Variants in TRPV3 observed in about 807,000 individuals in gnomAD.
TRPV3 encodes transient receptor potential cation channel subfamily V member 3.
Under a neutral mutation model 87.1 loss-of-function variants are expected in TRPV3, and 88 were observed. The observed-to-expected ratio is 1.01, with a 90% CI of 0.85 to 1.21. The LOEUF (loss-of-function observed/expected upper bound fraction) is 1.21. Ranked by LOEUF, TRPV3 falls within the 50% of genes most tolerant of loss-of-function variation. TRPV3 has a pLI of 0.00. For synonymous variants in TRPV3, 438 were observed against 423.3 expected (o/e 1.03, Z -0.43); for missense variants, 1,054 against 1,030.1 (o/e 1.02, Z -0.32).
At chr17:3,546,967 C>CAAAAAAAA (rs59021941) in intron 2 of TRPV3, among the ~76,000 whole-genome samples, 1 of 123,596 alleles carries the variant, frequency 8.1e-6, no homozygotes, top group African/African-American at 3.5e-5. Flanking sequence ...GACTCCTTCT[C>CAAAAAAAA]AAAAAAAAAA....
chr17:3,547,036 A>C (rs923693927), intron 2 of TRPV3, among the ~76,000 whole-genome samples: 15 of 151,444 alleles, frequency 9.9e-5, no homozygotes, highest in Non-Finnish European at 2.1e-4. Flanking sequence ...CCGGGTCTCT[A>C]CTGCGGGTGG....
chr17:3,542,387 C>T (rs2074472016), intron 6 of TRPV3, 135 bp downstream of exon 6: 2 of 991,236 alleles, frequency 2.0e-6, no homozygotes, highest in South Asian at 1.7e-5. Flanking sequence ...TGAAGCATCC[C>T]TGGTACCATG....
At chr17:3,524,169 C>G in intron 13 of TRPV3, 29 bp downstream of exon 13, 25 of 1,607,756 alleles carry the variant, frequency 1.6e-5, no homozygotes, top group Non-Finnish European at 2.0e-5. Flanking sequence ...CCTCCGAGGG[C>G]CCTCCCGCCG....
intron 6 of TRPV3, among the ~76,000 whole-genome samples, chr17:3,541,934 TC>T (rs1427010436): frequency 7.1e-6 from 1 of 141,096 alleles, no homozygotes; most frequent in African/African-American, 2.6e-5. Flanking sequence ...TTCTTTCTTT[TC>T]TTTGTTTCTT....
intron 13 of TRPV3, 73 bp downstream of exon 13, chr17:3,524,125 C>T: frequency 6.4e-7 from 1 of 1,574,288 alleles, no homozygotes; most frequent in Non-Finnish European, 8.7e-7. Flanking sequence ...TCTTCCTCTC[C>T]AGATCTCAGT....
chr17:3,522,419 T>G (rs1428407358), intron 13 of TRPV3, among the ~76,000 whole-genome samples: 1 of 152,194 alleles, frequency 6.6e-6, no homozygotes, highest in Non-Finnish European at 1.5e-5. Flanking sequence ...AGAGACAACA[T>G]TCACATACTT....
chr17:3,544,153 C>T (rs962375242), intron 4 of TRPV3, among the ~76,000 whole-genome samples: 1 of 152,230 alleles, frequency 6.6e-6, no homozygotes, highest in Non-Finnish European at 1.5e-5. Context: ...GGATTACAGG[C>T]ATGCGCCACC....
intron 12 of TRPV3, 113 bp from the exon 13 acceptor site, chr17:3,524,476 G>A: frequency 2.2e-6 from 3 of 1,346,380 alleles, no homozygotes; most frequent in South Asian, 1.4e-5. Context: ...CCCGGTGACG[G>A]ATGCTGAAGA....
chr17:3,513,796 A>G lies in TRPV3; in HGVS notation c.*121T>C, dbSNP rs1180614928. The G allele has an allele frequency of 1.5e-5, 12 of 798,382 alleles. No individual in the cohort carries two copies. The East Asian group carries it at 3.0e-4, about 20-fold the overall frequency. 49.5% of individuals were successfully genotyped at this position (798,382 alleles called of 1,614,324 possible). Reference sequence around the variant, plus strand: ...CACTGAGCACTGAGCACGAGGGTGCACTCTGCTTCTAGGCCAGCAGAGCCG... The same window carrying G: ...CACTGAGCACTGAGCACGAGGGTGCGCTCTGCTTCTAGGCCAGCAGAGCCG... On this transcript the variant is annotated 3_prime_UTR_variant, in exon 18 of 18. Transcript: ENST00000576742.
intron 2 of TRPV3, among the ~76,000 whole-genome samples, chr17:3,549,026 C>T (rs2074549522): frequency 6.6e-6 from 1 of 152,158 alleles, no homozygotes; most frequent in Admixed American, 6.6e-5. Flanking sequence ...AGAACTTTTG[C>T]CCTAAAGTAG....
chr17:3,521,146 T>A, intron 13 of TRPV3, 107 bp from the exon 14 acceptor site: 1 of 462,020 alleles, frequency 2.2e-6, no homozygotes, highest in South Asian at 1.9e-5. Flanking sequence ...AACTGTCTCT[T>A]CACTTGGGCC....
At chr17:3,535,392 C>G (rs1271623515) in intron 7 of TRPV3, among the ~76,000 whole-genome samples, 181 bp downstream of exon 7, 2 of 134,942 alleles carry the variant, frequency 1.5e-5, no homozygotes, top group Admixed American at 1.5e-4. Flanking sequence ...TCCCTCCTCC[C>G]TCTCCCTCCT....
At chr17:3,547,276 C>T (rs963256468) in intron 2 of TRPV3, among the ~76,000 whole-genome samples, 3 of 152,192 alleles carry the variant, frequency 2.0e-5, no homozygotes, top group African/African-American at 4.8e-5. Flanking sequence ...TTATACTTGC[C>T]CCCGCTGATC....
Position 3,524,227 on chromosome 17 carries a change from T to C in TRPV3, c.1714A>G (p.Met572Val), listed in dbSNP as rs1275130072. The part of the protein sequence containing the change: ...MLYYTRGFQS[M>V]GMYSVMIQKV... ...TGGATCATGACGCTGTACATGCCCA[T>C]GGACTGGAAACCCCGCGTATAGTAG... is the stretch of plus-strand genomic sequence containing the variant. Residue 572 changes from methionine (M) to valine (V), a missense_variant, in exon 13 of 18, where the codon ATG becomes GTG. Physicochemically the swap from Met to Val is conservative, Grantham distance 21. Transcript: ENST00000576742. The C allele has an allele frequency of 6.2e-7, 1 of 1,614,194 alleles. No individual in the cohort carries two copies. Among genetic ancestry groups the C allele is most frequent in the South Asian group, 1.1e-5 (1 of 91,086 alleles).
At chr17:3,549,356 C>T (rs576241244) in intron 2 of TRPV3, among the ~76,000 whole-genome samples, 11 of 152,342 alleles carry the variant, frequency 7.2e-5, no homozygotes, top group African/African-American at 2.6e-4. Flanking sequence ...GCTGCTGTTC[C>T]AGTGAGTTGG....
chr17:3,529,294 G>A (rs1027366516), intron 9 of TRPV3, among the ~76,000 whole-genome samples: 1 of 152,088 alleles, frequency 6.6e-6, no homozygotes, highest in African/African-American at 2.4e-5. Flanking sequence ...TCCAGCCCCA[G>A]TTTGCTCCTC....
Position 3,511,727 on chromosome 17 carries a change from A to T in TRPV3, c.*2190T>A, listed in dbSNP as rs2074116289. The T allele has an allele frequency of 6.6e-6, 1 of 152,262 alleles. No individual in the cohort carries two copies. The highest frequency in any genetic ancestry group is 2.4e-5 in the African/African-American group (1 of 41,468). 9.4% of individuals were successfully genotyped at this position (152,262 alleles called of 1,614,324 possible). On this transcript the variant is annotated 3_prime_UTR_variant, in exon 18 of 18. Transcript: ENST00000576742. The stretch of plus-strand genomic sequence containing the variant: ...GCTCTCCATTCCCCACTTGGACAAA[A>T]GCTGGCAGGTTAGGCAAATAGAAAT...
intron 2 of TRPV3, among the ~76,000 whole-genome samples, chr17:3,551,830 A>AG (rs34349157): frequency 1.0e-4 from 13 of 128,916 alleles, no homozygotes; most frequent in Non-Finnish European, 1.8e-4. Flanking sequence ...CTGTTTCCTT[A>AG]GGGGTCAGCA....
At chr17:3,542,378 G>A (rs2074471907) in intron 6 of TRPV3, 144 bp downstream of exon 6, 1 of 895,440 alleles carries the variant, frequency 1.1e-6, no homozygotes. Flanking sequence ...AGGGTTGCCT[G>A]AAGCATCCCT....
Sources: allele counts gnomAD v4.1 joint callset (sites outside exome capture counted in the v4.1 genomes callset), GRCh38; gene constraint gnomAD v4.1.1; transcripts MANE v1.5; gene names NCBI Gene and HGNC (gene_info 2026-07-23, HGNC 2026-07-21).